The following JAK2 variants were observed in gnomAD, a reference collection of about 807,000 sequenced individuals.
JAK2 encodes tyrosine-protein kinase JAK2.
In JAK2, 86 loss-of-function variants were observed where a neutral mutation model predicts 139.3. The observed-to-expected ratio is 0.62, with a 90% CI of 0.52 to 0.74. The LOEUF (loss-of-function observed/expected upper bound fraction) is 0.74. Among genes scored for constraint, JAK2 ranks in the 30% least tolerant of loss-of-function variants. The pLI is 0.00. For synonymous variants in JAK2, 490 were observed against 437.7 expected (o/e 1.12, Z -1.49); for missense variants, 1,421 against 1,360.3 (o/e 1.04, Z -0.70).
rs532083457 is a variant in JAK2, at chr9:5,110,861, G to A, written c.3060-12143G>A. ...GAAGGTGGGGGGGACGCTTCATGCCGCCGCGCCCAGCAGGGTTTCCATGTC... is the reference window on the plus strand; with the variant it reads ...GAAGGTGGGGGGGACGCTTCATGCCACCGCGCCCAGCAGGGTTTCCATGTC... On this transcript the variant is annotated intron_variant, in intron 22 of 24. Coordinates refer to ENST00000381652, the MANE Select transcript of JAK2 (RefSeq NM_004972.4). The A allele has an allele frequency of 6.1e-5, 30 of 489,990 alleles. No individual in the cohort carries two copies. In the East Asian group the frequency reaches 1.3e-3, roughly 22 times the overall value. 30.4% of individuals were successfully genotyped at this position (489,990 alleles called of 1,614,324 possible). A position where few individuals can be genotyped will look rare whatever the true frequency, so the allele number is the denominator to read the frequency against.
At chr9:5,060,152 G>A (rs73393478) in intron 8 of JAK2, among the ~76,000 whole-genome samples, 64 of 152,230 alleles carry the variant, frequency 4.2e-4, no homozygotes, top group African/African-American at 1.4e-3. Flanking sequence ...ACACTTTATT[G>A]CTAAAAAATC....
At chr9:5,089,469 C>A (rs780350424) in intron 19 of JAK2, among the ~76,000 whole-genome samples, 3 of 124,556 alleles carry the variant, frequency 2.4e-5, no homozygotes, top group Non-Finnish European at 4.7e-5. Context: ...ACCCAGGGGG[C>A]GGAGCTTGCA....
At chr9:5,090,659 A>G (rs1586772404) in intron 21 of JAK2, 80 bp from the exon 22 acceptor site, 1 of 1,515,544 alleles carries the variant, frequency 6.6e-7, no homozygotes, top group Non-Finnish European at 8.9e-7. Flanking sequence ...CATAGATAAT[A>G]AAGGGAATAT....
intron 14 of JAK2, among the ~76,000 whole-genome samples, chr9:5,076,551 T>C (rs1195205692): frequency 6.6e-6 from 1 of 152,178 alleles, no homozygotes; most frequent in Admixed American, 6.6e-5. Flanking sequence ...TATAACGCTG[T>C]TGCACACTAA....
intron 2 of JAK2, among the ~76,000 whole-genome samples, chr9:5,011,136 T>G (rs1821675730): frequency 6.6e-6 from 1 of 152,228 alleles, no homozygotes; most frequent in Non-Finnish European, 1.5e-5. Context: ...TTTGGATCGG[T>G]GGTTTGATTT....
chr9:4,987,734 TAAAAA>T, intron 2 of JAK2, among the ~76,000 whole-genome samples: 1 of 126,658 alleles, frequency 7.9e-6, no homozygotes, highest in Admixed American at 8.1e-5. Context: ...AGACTCTGTC[TAAAAA>T]AAAAAAAAAA....
At position 5,126,730 on chromosome 9, in the gene JAK2, G is replaced by A. The variant is rs1437629509; in HGVS notation, c.3338G>A (p.Arg1113His). 4 of 1,610,914 alleles carry A rather than the reference G, an allele frequency of 2.5e-6. No individual in the cohort carries two copies. The highest frequency in any genetic ancestry group is 1.7e-5 in the Admixed American group (1 of 59,810). Reference sequence around the variant, plus strand: ...TGCTGGAACAATAATGTAAATCAACGCCCCTCCTTTAGGGATCTAGCTCTT... The same window carrying A: ...TGCTGGAACAATAATGTAAATCAACACCCCTCCTTTAGGGATCTAGCTCTT... ...TECWNNNVNQRPSFRDLALRV... is the reference protein window; with the variant it reads ...TECWNNNVNQHPSFRDLALRV... Residue 1113 changes from arginine (R) to histidine (H), a missense_variant, in exon 25 of 25, where the codon CGC becomes CAC. Physicochemically the swap from Arg to His is conservative, Grantham distance 29. Coordinates refer to ENST00000381652, the MANE Select transcript of JAK2 (RefSeq NM_004972.4).
intron 2 of JAK2, among the ~76,000 whole-genome samples, chr9:5,002,999 T>C (rs1821019190): frequency 6.6e-6 from 1 of 151,998 alleles, no homozygotes; most frequent in African/African-American, 2.4e-5. Context: ...GACCAATATT[T>C]CTTCACTGAA....
chr9:5,041,149 C>G (rs1024935832), intron 4 of JAK2: 27 of 1,118,608 alleles, frequency 2.4e-5, no homozygotes, highest in Non-Finnish European at 3.3e-5. Context: ...TCCGGCTGAT[C>G]ACGCGCATGG....
chr9:4,984,567 G>C (rs1819832357), upstream of JAK2: 2 of 152,656 alleles, frequency 1.3e-5, no homozygotes, highest in Non-Finnish European at 2.9e-5. Flanking sequence ...CCACGAAACA[G>C]CGTGTGTGAG....
intron 2 of JAK2, among the ~76,000 whole-genome samples, chr9:5,010,511 G>A (rs1226817903): frequency 6.6e-6 from 1 of 152,034 alleles, no homozygotes. Flanking sequence ...AGTACAGACA[G>A]GGTTTCACCA....
upstream of JAK2, chr9:4,985,065 T>C (rs978468615): frequency 2.6e-5 from 4 of 152,214 alleles, no homozygotes; most frequent in Non-Finnish European, 4.4e-5. Flanking sequence ...CCCCAGCCTC[T>C]ATCCGGCCCG....
intron 19 of JAK2, among the ~76,000 whole-genome samples, chr9:5,082,873 A>C (rs149205996): frequency 6.6e-6 from 1 of 152,376 alleles, no homozygotes; most frequent in Non-Finnish European, 1.5e-5. Flanking sequence ...GGTTGGGGCA[A>C]AGTTACAGAT....
chr9:5,096,418 G>A (rs1386235857), intron 22 of JAK2, among the ~76,000 whole-genome samples: 3 of 152,108 alleles, frequency 2.0e-5, no homozygotes, highest in Non-Finnish European at 4.4e-5. Context: ...TGCTAGATCG[G>A]TGGAATTCAA....
intron 22 of JAK2, chr9:5,111,733 C>T: frequency 2.3e-6 from 1 of 431,866 alleles, no homozygotes; most frequent in South Asian, 1.7e-5. Context: ...AGCGCGTGGG[C>T]TACCGGCTGC....
chr9:5,027,088 A>G (rs1003625761), intron 3 of JAK2, among the ~76,000 whole-genome samples: 1 of 152,210 alleles, frequency 6.6e-6, no homozygotes, highest in African/African-American at 2.4e-5. Flanking sequence ...CCTCCAGTTC[A>G]GGGAAACTTG....
At chr9:5,121,104 A>G (rs1390712062) in intron 22 of JAK2, among the ~76,000 whole-genome samples, 1 of 152,200 alleles carries the variant, frequency 6.6e-6, no homozygotes, top group Non-Finnish European at 1.5e-5. Flanking sequence ...TAGAAGAGGC[A>G]GAATAGTAGT....
chr9:4,997,043 C>G (rs1304932739), intron 2 of JAK2, among the ~76,000 whole-genome samples: 2 of 151,166 alleles, frequency 1.3e-5, no homozygotes, highest in Admixed American at 6.6e-5. Flanking sequence ...ATCCTCCTAC[C>G]TCAGCCTCCT....
chr9:4,994,059 A>G (rs1820420446), intron 2 of JAK2, among the ~76,000 whole-genome samples: 1 of 152,108 alleles, frequency 6.6e-6, no homozygotes, highest in African/African-American at 2.4e-5. Context: ...GACTGAACTG[A>G]ATTGGGTTAA....
Sources: allele counts gnomAD v4.1 joint callset (sites outside exome capture counted in the v4.1 genomes callset), GRCh38; gene constraint gnomAD v4.1.1; transcripts MANE v1.5; gene names NCBI Gene and HGNC (gene_info 2026-07-23, HGNC 2026-07-21).